The following CFAP221 variants were observed in gnomAD, a reference collection of about 807,000 sequenced individuals.
CFAP221 encodes cilia- and flagella-associated protein 221.
A neutral mutation model predicts 113.1 loss-of-function variants in CFAP221; 97 were observed. The observed-to-expected ratio is 0.86, with a 90% CI of 0.73 to 1.02. CFAP221 has a LOEUF of 1.02. Ranked by LOEUF, CFAP221 falls within the 50% of genes least tolerant of loss-of-function variation. CFAP221 has a pLI of 0.00. For synonymous variants in CFAP221, 331 were observed against 354.4 expected (o/e 0.93, Z 0.74); for missense variants, 1,025 against 1,013.4 (o/e 1.01, Z -0.16).
chr2:119,546,733 C>T (rs972988815), intron 2 of CFAP221, among the ~76,000 whole-genome samples: 1 of 152,236 alleles, frequency 6.6e-6, no homozygotes, highest in East Asian at 1.9e-4. Flanking sequence ...CCATCCCCAT[C>T]GCCATGCCCC....
chr2:119,589,865 AATC>A (rs1278293740), intron 7 of CFAP221: 3 of 152,346 alleles, frequency 2.0e-5, no homozygotes, highest in Admixed American at 2.0e-4. Flanking sequence ...GCTGACAAGA[AATC>A]ATATGCAACC....
At chr2:119,592,654 C>T (rs1206386608) in intron 7 of CFAP221, among the ~76,000 whole-genome samples, 2 of 152,182 alleles carry the variant, frequency 1.3e-5, no homozygotes, top group Admixed American at 6.5e-5. Context: ...CACCTAGTGG[C>T]TTGTTAACCA....
Position 119,615,652 on chromosome 2 carries a change from T to C in CFAP221, c.1353T>C (p.Asn451=), listed in dbSNP as rs754732675. The change falls in exon 14 of 24, where the codon AAT becomes AAC. Residue 451 remains asparagine, a synonymous_variant. Coordinates refer to ENST00000413369, the MANE Select transcript of CFAP221 (RefSeq NM_001271049.2). The part of the protein sequence containing the change: ...EFHPTFDPLI[N]NTWLSRSRAQ... ...ATCCTACTTTTGATCCACTCATTAA[T>C]AACACTTGGCTCAGCAGGTCCAGGG... 1.9e-6 allele frequency: 3 copies of C among 1,613,120 alleles called. No homozygotes were observed. The East Asian group carries it at 6.7e-5, about 36-fold the overall frequency.
intron 14 of CFAP221, among the ~76,000 whole-genome samples, chr2:119,623,878 TTA>T (rs2104741223): frequency 6.6e-6 from 1 of 152,246 alleles, no homozygotes; most frequent in South Asian, 2.1e-4. Context: ...TCAAGATGGA[TTA>T]AAGACTTAAA....
In CFAP221 at chr2:119,605,169, T is replaced by C. The variant is rs1486774116; in HGVS notation, c.1025-12T>C. 2.5e-6 allele frequency: 4 copies of C among 1,604,388 alleles called. No homozygotes were observed. The highest frequency in any genetic ancestry group is 2.2e-5 in the East Asian group (1 of 44,840). On this transcript the variant is annotated splice_polypyrimidine_tract_variant and intron_variant, in intron 10 of 23. Coordinates refer to ENST00000413369, the MANE Select transcript of CFAP221 (RefSeq NM_001271049.2). ...GATTACTGGTATAAACATTGTCTGCTCCTGCCTTCAGTTTTGGACCAGGGC... is the reference window on the plus strand; with the variant it reads ...GATTACTGGTATAAACATTGTCTGCCCCTGCCTTCAGTTTTGGACCAGGGC...
At chr2:119,574,906 A>G (rs562409123) in intron 6 of CFAP221, among the ~76,000 whole-genome samples, 3 of 152,314 alleles carry the variant, frequency 2.0e-5, no homozygotes, top group East Asian at 3.9e-4. Context: ...CAAAACCACA[A>G]GTATTTGAAT....
intron 14 of CFAP221, among the ~76,000 whole-genome samples, chr2:119,624,076 A>G (rs567709696): frequency 1.3e-5 from 2 of 152,370 alleles, no homozygotes; most frequent in South Asian, 4.1e-4. Context: ...ATCAGAGTGA[A>G]CAGGCAACCT....
chr2:119,656,067 A>T (rs952485928), intron 23 of CFAP221: 6 of 353,588 alleles, frequency 1.7e-5, no homozygotes, highest in Non-Finnish European at 3.2e-5. Flanking sequence ...CCTTTGCTAC[A>T]ATGCTGGGAG....
chr2:119,596,296 G>C (rs528235462), intron 7 of CFAP221, among the ~76,000 whole-genome samples: 1 of 152,292 alleles, frequency 6.6e-6, no homozygotes, highest in South Asian at 2.1e-4. Flanking sequence ...TGGCTAGGGG[G>C]TGCGCTGCAC....
intron 14 of CFAP221, among the ~76,000 whole-genome samples, chr2:119,619,726 G>A (rs768077490): frequency 2.4e-4 from 36 of 152,142 alleles, no homozygotes; most frequent in Non-Finnish European, 5.0e-4. Flanking sequence ...AACAAAACTG[G>A]ATGGAGAATG....
intron 14 of CFAP221, among the ~76,000 whole-genome samples, chr2:119,619,894 A>G (rs1210201146): frequency 1.3e-5 from 2 of 152,214 alleles, no homozygotes; most frequent in African/African-American, 4.8e-5. Flanking sequence ...AGAAGAACAT[A>G]AATAACCTGA....
chr2:119,552,158 C>CTTTTTTTTTTT (rs772767971), intron 3 of CFAP221, among the ~76,000 whole-genome samples: 1 of 96,564 alleles, frequency 1.0e-5, no homozygotes, highest in Non-Finnish European at 2.2e-5. Flanking sequence ...TAAAACTGGC[C>CTTTTTTTTTTT]TTTTTTTTTT....
At chr2:119,614,996 T>C (rs1685428598) in intron 13 of CFAP221, among the ~76,000 whole-genome samples, 1 of 152,202 alleles carries the variant, frequency 6.6e-6, no homozygotes, top group Non-Finnish European at 1.5e-5. Flanking sequence ...GTATAACTGA[T>C]CTTCTTCCCT....
At position 119,604,993 on chromosome 2, in the gene CFAP221, C is replaced by A. The variant is rs1396641936; in HGVS notation, c.1024+6C>A. Reference sequence around the variant, plus strand: ...GATTAAAGAATTAAGAGAAGGTAACCAGTTGATTGGCCATAAAGCAGCCCC... The same window carrying A: ...GATTAAAGAATTAAGAGAAGGTAACAAGTTGATTGGCCATAAAGCAGCCCC... On this transcript the variant is annotated splice_donor_region_variant and intron_variant, in intron 10 of 23. Coordinates refer to ENST00000413369, the MANE Select transcript of CFAP221 (RefSeq NM_001271049.2). 16 of 1,611,520 alleles carry A rather than the reference C, an allele frequency of 9.9e-6. No individual in the cohort carries two copies. Among genetic ancestry groups the A allele is most frequent in the Non-Finnish European group, 1.3e-5 (15 of 1,177,990 alleles).
chr2:119,573,224 A>G (rs751676527), intron 6 of CFAP221: 6 of 152,234 alleles, frequency 3.9e-5, no homozygotes, highest in Non-Finnish European at 5.9e-5. Flanking sequence ...ACCAGCTGTA[A>G]CTGGGTTAAA....
chr2:119,604,948 C>A lies in CFAP221; in HGVS notation c.985C>A (p.Gln329Lys). The A allele has an allele frequency of 6.2e-7, 1 of 1,613,970 alleles. No individual in the cohort carries two copies. Among genetic ancestry groups the A allele is most frequent in the Non-Finnish European group, 8.5e-7 (1 of 1,179,984 alleles). Residue 329 changes from glutamine (Q) to lysine (K), a missense_variant, in exon 10 of 24, where the codon CAA (glutamine) becomes AAA (lysine). Physicochemically the swap from Gln to Lys is moderately conservative, Grantham distance 53 (BLOSUM62 1). Transcript: ENST00000413369. ...NPFAVATVLN[Q>K]EPGKLKIKEL... ...ATTTGCTGTGGCAACTGTTTTAAAC[C>A]AAGAACCAGGAAAATTGAAGATTAA...
intron 6 of CFAP221, among the ~76,000 whole-genome samples, chr2:119,583,453 C>T (rs1574058197): frequency 6.7e-6 from 1 of 148,944 alleles, no homozygotes; most frequent in Non-Finnish European, 1.5e-5. Flanking sequence ...AGGCACAAGC[C>T]ACTGTGCCTG....
intron 3 of CFAP221, among the ~76,000 whole-genome samples, chr2:119,554,913 C>T (rs1680680760): frequency 6.6e-6 from 1 of 152,036 alleles, no homozygotes; most frequent in African/African-American, 2.4e-5. Context: ...ACTTGCAGGC[C>T]AAAGTGTTGT....
chr2:119,634,523 G>A (rs1686996254), intron 19 of CFAP221, among the ~76,000 whole-genome samples: 1 of 152,086 alleles, frequency 6.6e-6, no homozygotes, highest in Non-Finnish European at 1.5e-5. Flanking sequence ...GCACTCCTAT[G>A]TTCATTGCAG....
Sources: allele counts gnomAD v4.1 joint callset (sites outside exome capture counted in the v4.1 genomes callset), GRCh38; gene constraint gnomAD v4.1.1; transcripts MANE v1.5; gene names NCBI Gene and HGNC (gene_info 2026-07-23, HGNC 2026-07-21).